Variants in LPIN2 observed in about 807,000 individuals in gnomAD.
LPIN2 encodes lipin 2, also known as phosphatidate phosphatase LPIN2.
Under a neutral mutation model 111.4 loss-of-function variants are expected in LPIN2, and 55 were observed. That is an observed-to-expected ratio of 0.49 (90% CI 0.40 to 0.62). The LOEUF (loss-of-function observed/expected upper bound fraction) is 0.62, where lower values mean the gene tolerates loss of function less well. LPIN2 is among the 20% of genes least tolerant of loss of function. The pLI is 0.00. For missense variants in LPIN2, 992 were observed against 1,112.1 expected, an observed-to-expected ratio of 0.89 and a Z score of 1.54; for synonymous variants, 425 against 414.0, an observed-to-expected ratio of 1.03 and a Z score of -0.32.
intron 1 of LPIN2, among the ~76,000 whole-genome samples, chr18:2,993,252 T>C (rs529388927): frequency 6.6e-6 from 1 of 151,830 alleles, no homozygotes; most frequent in African/African-American, 2.4e-5. Flanking sequence ...AGAAGAAAAA[T>C]AGGAATTAAA....
chr18:2,988,995 T>G lies in LPIN2; in HGVS notation c.-10+24092A>C, dbSNP rs999839357. 7.9e-5 allele frequency among the ~76,000 whole-genome samples: 12 copies of G among 152,194 alleles called. 2 individuals are homozygous for G. Among genetic ancestry groups the G allele is most frequent in the Admixed American group, 7.9e-4 (12 of 15,284 alleles). On this transcript the variant is annotated intron_variant, in intron 1 of 19. Coordinates refer to ENST00000677752, the MANE Select transcript of LPIN2 (RefSeq NM_001375808.2). ...AACATAGGTATTTATATTGAAATCA[T>G]AGAAGAAAACACAATCCTGGCAGCC...
At chr18:2,941,925 AAAAC>A (rs1354058295) in intron 4 of LPIN2, among the ~76,000 whole-genome samples, 1 of 152,214 alleles carries the variant, frequency 6.6e-6, no homozygotes, top group African/African-American at 2.4e-5. Context: ...CTCCATCCCA[AAAAC>A]AAACAAAACT....
At chr18:2,979,114 T>C (rs918489672) in intron 1 of LPIN2, 1 of 152,410 alleles carries the variant, frequency 6.6e-6, no homozygotes, top group Non-Finnish European at 1.5e-5. Flanking sequence ...AAGTGCAGGA[T>C]TACAGGTGTG....
chr18:3,005,069 G>T (rs1398851778), intron 1 of LPIN2, among the ~76,000 whole-genome samples: 3 of 152,212 alleles, frequency 2.0e-5, no homozygotes, highest in Non-Finnish European at 2.9e-5. Flanking sequence ...AAAAGCTTCA[G>T]CCAGGTGCGG....
At chr18:2,956,461 T>G (rs2077619111) in intron 2 of LPIN2, among the ~76,000 whole-genome samples, 1 of 152,176 alleles carries the variant, frequency 6.6e-6, no homozygotes, top group Non-Finnish European at 1.5e-5. Flanking sequence ...GTAAATACTA[T>G]TCTTCAATAA....
Position 2,922,042 on chromosome 18 carries a change from G to C in LPIN2, c.2327+5C>G. 2 of 1,611,458 alleles carry C rather than the reference G, an allele frequency of 1.2e-6. No homozygotes were observed. The highest frequency in any genetic ancestry group is 1.7e-6 in the Non-Finnish European group (2 of 1,178,272). On this transcript the variant is annotated splice_donor_5th_base_variant and intron_variant, in intron 17 of 19. Transcript: ENST00000677752. Reference sequence around the variant, plus strand: ...TGGGCAGAGGGCTGCCTGCCGGAGAGGTACCTGTGGAAGGCGGAGAACAAG... The same window carrying C: ...TGGGCAGAGGGCTGCCTGCCGGAGACGTACCTGTGGAAGGCGGAGAACAAG...
At chr18:2,924,663 G>T in intron 14 of LPIN2, 117 bp from the exon 15 acceptor site, 1 of 1,085,006 alleles carries the variant, frequency 9.2e-7, no homozygotes, top group Non-Finnish European at 1.4e-6. Context: ...ATGGTTTCCG[G>T]GGTCTTAGAC....
intron 2 of LPIN2, among the ~76,000 whole-genome samples, chr18:2,955,741 C>T (rs2143150019): frequency 6.6e-6 from 1 of 152,160 alleles, no homozygotes; most frequent in Non-Finnish European, 1.5e-5. Flanking sequence ...CATGGTGAAA[C>T]CCCGCCTCTA....
At chr18:2,956,011 C>T (rs1418309447) in intron 2 of LPIN2, among the ~76,000 whole-genome samples, 2 of 152,138 alleles carry the variant, frequency 1.3e-5, no homozygotes, top group Non-Finnish European at 1.5e-5. Context: ...TGGAACTAAC[C>T]TTACCTTGGA....
At chr18:2,970,055 CAG>C (rs1466243816) in intron 1 of LPIN2, among the ~76,000 whole-genome samples, 2 of 152,194 alleles carry the variant, frequency 1.3e-5, no homozygotes, top group Non-Finnish European at 2.9e-5. Context: ...TGAAAAAACT[CAG>C]AAATTCTGGC....
chr18:2,946,538 T>C, intron 4 of LPIN2: 1 of 1,532,660 alleles, frequency 6.5e-7, no homozygotes, highest in South Asian at 1.1e-5. Context: ...CAAGGCCATT[T>C]TTTTTCCCAC....
chr18:2,968,087 G>A (rs553460952), intron 1 of LPIN2, among the ~76,000 whole-genome samples: 7 of 152,270 alleles, frequency 4.6e-5, no homozygotes, highest in African/African-American at 9.6e-5. Flanking sequence ...AGAACACAGC[G>A]GGTCTCCTGC....
chr18:2,937,577 A>G, intron 7 of LPIN2, 115 bp downstream of exon 7: 1 of 593,698 alleles, frequency 1.7e-6, no homozygotes, highest in Non-Finnish European at 2.9e-6. Context: ...AAAAAGTGCG[A>G]CGGGTTTCGA....
Position 2,951,037 on chromosome 18 carries a change from C to T in LPIN2, c.590+18G>A. The T allele has an allele frequency of 6.2e-7, 1 of 1,613,778 alleles. No individual in the cohort carries two copies. The highest frequency in any genetic ancestry group is 2.2e-5 in the East Asian group (1 of 44,880). ...TCTAGGTACCCGCACAAGACCCTTC[C>T]CAGGCTGAGAGTCCTACCGTGCTGC... is the stretch of plus-strand genomic sequence containing the variant. On this transcript the variant is annotated intron_variant, in intron 4 of 19. Coordinates refer to ENST00000677752, the MANE Select transcript of LPIN2 (RefSeq NM_001375808.2).
At chr18:2,931,503 ACTGCATGGTT>A in intron 8 of LPIN2, 60 bp from the exon 9 acceptor site, 1 of 1,504,508 alleles carries the variant, frequency 6.6e-7, no homozygotes, top group Non-Finnish European at 9.0e-7. Flanking sequence ...TTCCTAGTTT[ACTGCATGGTT>A]CTCTGGGGGC....
rs973364456 is a variant in LPIN2, at chr18:2,921,939, G to C, written c.2327+108C>G. 4.3e-6 allele frequency: 6 copies of C among 1,407,308 alleles called. No individual in the cohort carries two copies. In the Admixed American group the frequency reaches 1.5e-4, roughly 36 times the overall value. 87.2% of individuals were successfully genotyped at this position (1,407,308 alleles called of 1,614,324 possible). The stretch of plus-strand genomic sequence containing the variant: ...CAGGGACCAAAGAACTGGGAGAGGC[G>C]TGGCGGCTCCAACATCTGACTTCTG... On this transcript the variant is annotated intron_variant, in intron 17 of 19. Coordinates refer to ENST00000677752, the MANE Select transcript of LPIN2 (RefSeq NM_001375808.2).
At chr18:2,941,093 G>C (rs1224016827) in intron 4 of LPIN2, among the ~76,000 whole-genome samples, 11 of 152,148 alleles carry the variant, frequency 7.2e-5, no homozygotes, top group Admixed American at 3.3e-4. Flanking sequence ...TTAGTAACTT[G>C]CTCAAAGTCA....
At chr18:2,956,174 T>C (rs1013934078) in intron 2 of LPIN2, among the ~76,000 whole-genome samples, 7 of 152,184 alleles carry the variant, frequency 4.6e-5, no homozygotes, top group African/African-American at 1.2e-4. Context: ...TAAGCAGATA[T>C]ACTGACGATA....
intron 1 of LPIN2, among the ~76,000 whole-genome samples, chr18:3,004,742 G>A (rs112562807): frequency 0.01 from 1,592 of 152,236 alleles, 24 homozygotes; most frequent in African/African-American, 0.036. Flanking sequence ...GGATGAGCCC[G>A]AGAGCAATAT....
Sources: allele counts gnomAD v4.1 joint callset (sites outside exome capture counted in the v4.1 genomes callset), GRCh38; gene constraint gnomAD v4.1.1; transcripts MANE v1.5; gene names NCBI Gene and HGNC (gene_info 2026-07-23, HGNC 2026-07-21).